Variants in CCNH observed in about 807,000 individuals in gnomAD.
CCNH encodes cyclin-H.
In CCNH, 31 loss-of-function variants were observed where a neutral mutation model predicts 41.9. That is an observed-to-expected ratio of 0.74 (90% CI 0.56 to 1.00). The LOEUF (loss-of-function observed/expected upper bound fraction) is 1.00, where lower values mean the gene tolerates loss of function less well. Among genes scored for constraint, CCNH ranks in the 50% least tolerant of loss-of-function variants. The pLI, the probability that CCNH is intolerant of heterozygous loss-of-function variation, is 0.00. For synonymous variants in CCNH, 138 were observed against 136.1 expected (o/e 1.01, Z -0.10); for missense variants, 362 against 388.4 (o/e 0.93, Z 0.57).
intron 9 of CCNH, among the ~76,000 whole-genome samples, chr5:87,386,124 C>G (rs1020313532): frequency 2.0e-5 from 3 of 151,696 alleles, no homozygotes; most frequent in African/African-American, 7.3e-5. Context: ...TCTTTTTTGC[C>G]AATTGGATAG....
intron 9 of CCNH, among the ~76,000 whole-genome samples, chr5:87,342,757 C>G (rs1758573099): frequency 1.3e-5 from 2 of 152,040 alleles, no homozygotes; most frequent in South Asian, 4.1e-4. Flanking sequence ...GTCTAGTTGT[C>G]TAGTTGATAT....
At position 87,408,177 on chromosome 5, in the gene CCNH, A is replaced by C. The variant is rs981585820; in HGVS notation, c.324T>G (p.Cys108Trp). ...CATCTACTTTGCAGGCCAAAAATGC[A>C]CAAGTGAGCCTAGAGGAAAAAATAA... ...EYHPRIIMLTCAFLACKVDEF... is the reference protein window; with the variant it reads ...EYHPRIIMLTWAFLACKVDEF... Residue 108 changes from cysteine (C) to tryptophan (W), a missense_variant, in exon 4 of 9, where the codon TGT (cysteine) becomes TGG (tryptophan). Cys to Trp is a radical substitution (Grantham distance 215). Coordinates refer to ENST00000256897, the MANE Select transcript of CCNH (RefSeq NM_001239.4). 6.3e-7 allele frequency: 1 copy of C among 1,594,582 alleles called. No homozygotes were observed. The highest frequency in any genetic ancestry group is 8.6e-7 in the Non-Finnish European group (1 of 1,167,756).
downstream of CCNH, chr5:87,392,115 CAGAT>C (rs902895175): frequency 1.9e-5 from 7 of 375,846 alleles, no homozygotes; most frequent in Admixed American, 1.1e-4. Context: ...TTGTGCAGGG[CAGAT>C]AGATAGGACA....
At chr5:87,406,124 G>A (rs3093800) in intron 4 of CCNH, among the ~76,000 whole-genome samples, 5 of 151,980 alleles carry the variant, frequency 3.3e-5, no homozygotes, top group African/African-American at 4.8e-5. Flanking sequence ...AAAGAAAGGC[G>A]CTATTTCCTG....
chr5:87,390,420 TCCCCGCCCCTCC>T (rs1762416641), downstream of CCNH, among the ~76,000 whole-genome samples: 1 of 151,874 alleles, frequency 6.6e-6, no homozygotes, highest in African/African-American at 2.4e-5. Context: ...GTCCTGTTTC[TCCCCGCCCCTCC>T]CCCCGCAGCT....
intron 9 of CCNH, among the ~76,000 whole-genome samples, chr5:87,338,537 T>TATATATATATATA (rs1421369290): frequency 5.0e-5 from 4 of 79,794 alleles, no homozygotes; most frequent in Non-Finnish European, 8.0e-5. Context: ...ATATATAAAA[T>TATATATATATATA]TTTTTTTTTT....
intron 9 of CCNH, chr5:87,349,399 C>T (rs778887309): frequency 1.7e-5 from 27 of 1,604,694 alleles, no homozygotes; most frequent in Middle Eastern, 1.7e-4. Flanking sequence ...TTTTACTTTT[C>T]GCAAAAATAG....
chr5:87,365,726 CACTT>C (rs1212378615), intron 9 of CCNH, among the ~76,000 whole-genome samples: 4 of 151,928 alleles, frequency 2.6e-5, no homozygotes, highest in Non-Finnish European at 4.4e-5. Context: ...AAATGTAACT[CACTT>C]ACTAGGACCT....
At chr5:87,392,702 G>GACTT (rs1403492358), downstream of CCNH, 1 of 162,062 alleles carries the variant, frequency 6.2e-6, no homozygotes, top group Non-Finnish European at 1.3e-5. Context: ...TCACAAACCT[G>GACTT]ACTTACCCTG....
chr5:87,348,070 A>C (rs902932682), intron 9 of CCNH, among the ~76,000 whole-genome samples: 2 of 152,038 alleles, frequency 1.3e-5, no homozygotes, highest in African/African-American at 4.8e-5. Context: ...ATATTCTAGA[A>C]GAAATTTAGA....
intron 7 of CCNH, among the ~76,000 whole-genome samples, chr5:87,397,705 G>A (rs1017564042): frequency 2.0e-5 from 3 of 152,162 alleles, no homozygotes; most frequent in African/African-American, 7.2e-5. Context: ...TACAATGTAA[G>A]CTATGGCAGT....
chr5:87,342,720 G>T (rs1450440638), intron 9 of CCNH, among the ~76,000 whole-genome samples: 1 of 152,102 alleles, frequency 6.6e-6, no homozygotes, highest in East Asian at 1.9e-4. Context: ...ACTAGAAAGT[G>T]TTTGCCTATT....
chr5:87,385,421 T>A lies in CCNH; in HGVS notation c.*90+7349A>T, dbSNP rs746130315. On this transcript the variant is annotated intron_variant and NMD_transcript_variant, in intron 9 of 9. Coordinates refer to the CCNH transcript ENST00000645953. ...ACATTTTGATACTTTAAAATGTAAT[T>A]TATGAATGCAAGTTTGACATGATAA... is the stretch of plus-strand genomic sequence containing the variant. 15 of 1,479,470 alleles carry A rather than the reference T, an allele frequency of 1.0e-5. No individual in the cohort carries two copies. The African/African-American group carries it at 1.9e-4, about 19-fold the overall frequency. The allele number at this position is 1,479,470 out of a possible 1,614,324, so 91.6% of individuals were successfully genotyped here.
At chr5:87,354,864 G>C (rs972394096) in intron 9 of CCNH, among the ~76,000 whole-genome samples, 6 of 152,166 alleles carry the variant, frequency 3.9e-5, no homozygotes, top group South Asian at 2.1e-4. Flanking sequence ...TGCTGATATA[G>C]AGAAAATTTG....
At chr5:87,377,282 A>G (rs1761391996), upstream of CCNH, 1 of 520,600 alleles carries the variant, frequency 1.9e-6, no homozygotes, top group Admixed American at 3.1e-5. Flanking sequence ...AGAAGGTGGT[A>G]TCTGTGTCTA....
At chr5:87,353,459 C>G (rs1408211112) in intron 9 of CCNH, among the ~76,000 whole-genome samples, 1 of 151,688 alleles carries the variant, frequency 6.6e-6, no homozygotes, top group Non-Finnish European at 1.5e-5. Context: ...TAGAAGCAGT[C>G]GTGGAGGAAG....
intron 9 of CCNH, among the ~76,000 whole-genome samples, chr5:87,360,844 TG>T (rs1445577027): frequency 5.3e-5 from 8 of 152,252 alleles, no homozygotes; most frequent in African/African-American, 1.7e-4. Context: ...ATTCGTTTTC[TG>T]ATTTTTCTAA....
chr5:87,405,123 C>A, intron 4 of CCNH, 116 bp from the exon 5 acceptor site: 1 of 703,346 alleles, frequency 1.4e-6, no homozygotes, highest in East Asian at 2.7e-5. Flanking sequence ...ATCTAAAGTT[C>A]CTAGCACAGT....
rs774961094 is a variant in CCNH, at chr5:87,409,277, C to G, written c.314+13G>C. The stretch of plus-strand genomic sequence containing the variant: ...TCTTAAATGAAAACAATATATTAGA[C>G]AGACATACTCACATTATTATCCTGG... On this transcript the variant is annotated intron_variant, in intron 3 of 8. Transcript: ENST00000256897. The G allele has an allele frequency of 2.1e-6, 3 of 1,402,990 alleles. No homozygotes were observed. The highest frequency in any genetic ancestry group is 1.2e-5 in the South Asian group (1 of 82,222). 86.9% of individuals were successfully genotyped at this position (1,402,990 alleles called of 1,614,324 possible).
Sources: allele counts gnomAD v4.1 joint callset (sites outside exome capture counted in the v4.1 genomes callset), GRCh38; gene constraint gnomAD v4.1.1; transcripts MANE v1.5; gene names NCBI Gene and HGNC (gene_info 2026-07-23, HGNC 2026-07-21).